The following ADAMTS17 variants were observed in gnomAD, a reference collection of about 807,000 sequenced individuals.
ADAMTS17 encodes the protein ADAM metallopeptidase with thrombospondin type 1 motif 17.
ADAMTS17 carries 113 observed loss-of-function variants against 141.5 expected under a neutral mutation model. The observed-to-expected ratio is 0.80, with a 90% CI of 0.69 to 0.93. ADAMTS17 has a LOEUF of 0.93. ADAMTS17 is among the 40% of genes least tolerant of loss of function. The pLI is 0.00. For synonymous variants in ADAMTS17, 768 were observed against 630.6 expected (o/e 1.22, Z -3.27); for missense variants, 1,659 against 1,517.9 (o/e 1.09, Z -1.54).
chr15:100,280,317 C>T (rs529786113), intron 4 of ADAMTS17, among the ~76,000 whole-genome samples: 1 of 152,118 alleles, frequency 6.6e-6, no homozygotes, highest in Non-Finnish European at 1.5e-5. Flanking sequence ...ACTCTCCAAC[C>T]CCCACATCCT....
intron 18 of ADAMTS17, among the ~76,000 whole-genome samples, chr15:100,021,111 T>C (rs1355786120): frequency 6.6e-6 from 1 of 152,136 alleles, no homozygotes; most frequent in African/African-American, 2.4e-5. Context: ...TTCCTTCAGA[T>C]ACTAGGGAAC....
At chr15:100,127,940 T>A (rs2037829063) in intron 12 of ADAMTS17, among the ~76,000 whole-genome samples, 2 of 151,702 alleles carry the variant, frequency 1.3e-5, no homozygotes, top group Non-Finnish European at 2.9e-5. Context: ...ACCTCTCCCA[T>A]GGGGCTGCAT....
intron 2 of ADAMTS17, among the ~76,000 whole-genome samples, chr15:100,339,534 TC>T (rs563284889): frequency 7.9e-5 from 12 of 152,056 alleles, no homozygotes; most frequent in Non-Finnish European, 1.5e-4. Flanking sequence ...TGAGCCTTTC[TC>T]ACTCCTACTT....
At chr15:100,152,478 A>G (rs2039216144) in intron 10 of ADAMTS17, 134 bp downstream of exon 10, 2 of 1,193,106 alleles carry the variant, frequency 1.7e-6, no homozygotes, top group African/African-American at 1.5e-5. Flanking sequence ...GTGCATATAC[A>G]TGTATACCTG....
At chr15:100,105,711 G>A (rs2036375772) in intron 14 of ADAMTS17, among the ~76,000 whole-genome samples, 1 of 151,940 alleles carries the variant, frequency 6.6e-6, no homozygotes, top group African/African-American at 2.4e-5. Context: ...TTTTTGAGAT[G>A]GAGTCTTACT....
intron 18 of ADAMTS17, among the ~76,000 whole-genome samples, chr15:100,017,503 C>T (rs1482272947): frequency 6.6e-6 from 1 of 152,242 alleles, no homozygotes; most frequent in African/African-American, 2.4e-5. Flanking sequence ...GCAGGAATGG[C>T]CTGCTTGGGG....
At chr15:100,277,641 G>C (rs12440650) in intron 4 of ADAMTS17, among the ~76,000 whole-genome samples, 1 of 152,246 alleles carries the variant, frequency 6.6e-6, no homozygotes, top group Admixed American at 6.5e-5. Flanking sequence ...AATGCAGCCC[G>C]TCATTAACCG....
intron 15 of ADAMTS17, among the ~76,000 whole-genome samples, chr15:100,058,747 C>G (rs144735900): frequency 0.011 from 1,615 of 152,218 alleles, 30 homozygotes; most frequent in African/African-American, 0.038. Flanking sequence ...ATCACCGGAG[C>G]GGGGTCTTGC....
At position 100,132,106 on chromosome 15, in the gene ADAMTS17, T is replaced by A. The variant is rs754742332; in HGVS notation, c.1622A>T (p.His541Leu). Residue 541 changes from histidine (H) to leucine (L), a missense_variant, in exon 12 of 22, where the codon CAT becomes CTT. Physicochemically the swap from His to Leu is moderately conservative, Grantham distance 99. Coordinates refer to ENST00000268070, the MANE Select transcript of ADAMTS17 (RefSeq NM_139057.4). ...ECVSKTPIPE[H>L]VDGDWSPWGA... ...CCACGGGCTCCAGTCTCCGTCCACA[T>A]GCTCCGGGATGGGCGTCTTGCTCAC... 1.2e-6 allele frequency: 2 copies of A among 1,614,090 alleles called. No homozygotes were observed. Among genetic ancestry groups the A allele is most frequent in the South Asian group, 1.1e-5 (1 of 91,074 alleles).
At position 100,048,985 on chromosome 15, in the gene ADAMTS17, G is replaced by A; in HGVS notation, c.2463C>T (p.Arg821=). ...TCCGTGTACACGAGACGATGGTTCT[G>A]CGCTCCCCTGGAAACCAAACCACAG... ...GCSVQCGGGE[R]RTIVSCTRIV... is the part of the protein sequence containing the mutation. The change falls in exon 18 of 22, where the codon CGC becomes CGT. Residue 821 remains arginine, a synonymous_variant. Transcript: ENST00000268070. The A allele has an allele frequency of 6.2e-7, 1 of 1,614,210 alleles. No homozygotes were observed. The highest frequency in any genetic ancestry group is 1.1e-5 in the South Asian group (1 of 91,082).
At chr15:100,169,153 C>T (rs1283083772) in intron 8 of ADAMTS17, among the ~76,000 whole-genome samples, 2 of 152,206 alleles carry the variant, frequency 1.3e-5, no homozygotes, top group African/African-American at 4.8e-5. Context: ...AAGCCCAAGG[C>T]ATTCAGAGAA....
intron 2 of ADAMTS17, among the ~76,000 whole-genome samples, chr15:100,339,934 G>C (rs1283756047): frequency 6.6e-6 from 1 of 152,226 alleles, no homozygotes; most frequent in Non-Finnish European, 1.5e-5. Context: ...GATTCTCGAG[G>C]ACTCGCCACA....
At position 100,094,171 on chromosome 15, in the gene ADAMTS17, G is replaced by A. The variant is rs150512619; in HGVS notation, c.2137+2185C>T. ...GAATGACAGTCCAGGTAGGTGAAGC[G>A]AACGTGTGCTTATTTTTGCCTGAAG... is the stretch of plus-strand genomic sequence containing the variant. On this transcript the variant is annotated intron_variant, in intron 15 of 21. Transcript: ENST00000268070. 1.5e-3 allele frequency among the ~76,000 whole-genome samples: 231 copies of A among 152,344 alleles called. 1 individual carries two copies. Among genetic ancestry groups the A allele is most frequent in the African/African-American group, 5.4e-3 (225 of 41,576 alleles).
At chr15:100,185,168 G>C (rs1567317238) in intron 8 of ADAMTS17, among the ~76,000 whole-genome samples, 1 of 149,870 alleles carries the variant, frequency 6.7e-6, no homozygotes. Context: ...TCACTTACAA[G>C]CTCTGGGACC....
chr15:100,181,143 C>G (rs1174059995), intron 8 of ADAMTS17, among the ~76,000 whole-genome samples: 1 of 152,166 alleles, frequency 6.6e-6, no homozygotes, highest in East Asian at 1.9e-4. Flanking sequence ...ACAAGGTTCA[C>G]TTAAGGCTCA....
At chr15:100,198,388 T>C (rs1014543771) in intron 8 of ADAMTS17, among the ~76,000 whole-genome samples, 6 of 152,222 alleles carry the variant, frequency 3.9e-5, no homozygotes, top group African/African-American at 1.4e-4. Context: ...GACTTTACTC[T>C]CGTAAAAACT....
At chr15:100,294,761 T>G (rs1034237845) in intron 3 of ADAMTS17, among the ~76,000 whole-genome samples, 9 of 152,144 alleles carry the variant, frequency 5.9e-5, no homozygotes, top group African/African-American at 1.9e-4. Context: ...ATCTCAACAT[T>G]CCAGGGGGAG....
chr15:100,187,224 A>G (rs1029501346), intron 8 of ADAMTS17, among the ~76,000 whole-genome samples: 1 of 152,208 alleles, frequency 6.6e-6, no homozygotes, highest in Non-Finnish European at 1.5e-5. Context: ...AGCAGGCAGT[A>G]TCTGTCAGCG....
intron 18 of ADAMTS17, among the ~76,000 whole-genome samples, chr15:100,045,251 T>G (rs1454551446): frequency 6.6e-6 from 1 of 152,194 alleles, no homozygotes; most frequent in Non-Finnish European, 1.5e-5. Flanking sequence ...TTAAGATATT[T>G]TATAATCTTA....
Sources: allele counts gnomAD v4.1 joint callset (sites outside exome capture counted in the v4.1 genomes callset), GRCh38; gene constraint gnomAD v4.1.1; transcripts MANE v1.5; gene names NCBI Gene and HGNC (gene_info 2026-07-23, HGNC 2026-07-21).